HMGCL: variants seen among roughly 807,000 people sequenced by gnomAD.
HMGCL encodes hydroxymethylglutaryl-CoA lyase, mitochondrial.
A neutral mutation model predicts 37.3 loss-of-function variants in HMGCL; 26 were observed. The ratio of observed to expected loss-of-function variants is 0.70; its 90% CI spans 0.51 to 0.97. The LOEUF (loss-of-function observed/expected upper bound fraction) is 0.97. HMGCL is among the 50% of genes least tolerant of loss of function. HMGCL has a pLI of 0.00. For synonymous variants in HMGCL, 151 were observed against 148.0 expected, an observed-to-expected ratio of 1.02 and a Z score of -0.15; for missense variants, 379 against 398.1, an observed-to-expected ratio of 0.95 and a Z score of 0.41.
At chr1:23,820,184 T>C (rs1444545626) in intron 2 of HMGCL, among the ~76,000 whole-genome samples, 1 of 152,138 alleles carries the variant, frequency 6.6e-6, no homozygotes, top group African/African-American at 2.4e-5. Flanking sequence ...TCAGTTTATA[T>C]ATATACATAT....
chr1:23,815,317 C>T (rs978432953), intron 4 of HMGCL, among the ~76,000 whole-genome samples: 1 of 151,926 alleles, frequency 6.6e-6, no homozygotes, highest in Non-Finnish European at 1.5e-5. Flanking sequence ...CCAGGCAATG[C>T]CAAGGACTGC....
chr1:23,807,972 C>T lies in HMGCL; in HGVS notation c.750+163G>A, dbSNP rs719399. On this transcript the variant is annotated intron_variant, in intron 7 of 8. Transcript: ENST00000374490. ...CCTTGACTGTCTCCCCAACACAGAG[C>T]TGTACACTTCACATCTGGGCAGGGT... Among the ~76,000 whole-genome samples, 140,471 of 152,192 alleles carry T rather than the reference C, an allele frequency of 0.92. 64,939 individuals are homozygous for T. Among genetic ancestry groups the T allele is most frequent in the African/African-American group, 0.97 (40,112 of 41,516 alleles).
chr1:23,810,828 C>G, intron 5 of HMGCL, 29 bp from the exon 6 acceptor site: 2 of 1,600,980 alleles, frequency 1.2e-6, no homozygotes, highest in South Asian at 2.2e-5. Flanking sequence ...GGAATGAGGT[C>G]AGTGTCCTGA....
chr1:23,804,031 C>A (rs748920879), intron 8 of HMGCL: 4 of 259,714 alleles, frequency 1.5e-5, no homozygotes, highest in African/African-American at 2.2e-5. Flanking sequence ...TATGCCCATG[C>A]GTGTGGCCTC....
Position 23,806,295 on chromosome 1 carries a change from C to T in HMGCL, c.751-1770G>A, listed in dbSNP as rs974698. ...GAACATTTCAGATCATCTCCCTCCCCGCCCCTGCTCAAGACTCTCTGTTAG... is the reference window on the plus strand; with the variant it reads ...GAACATTTCAGATCATCTCCCTCCCTGCCCCTGCTCAAGACTCTCTGTTAG... On this transcript the variant is annotated intron_variant, in intron 7 of 8. Transcript: ENST00000374490. This position sits in a 1 kb window ranked among gnomAD's most constrained non-coding sequence, Gnocchi z 4.0. Among the ~76,000 whole-genome samples the T allele has an allele frequency of 0.55, 82,853 of 151,898 alleles. 22,716 individuals carry two copies. The highest frequency in any genetic ancestry group is 0.71 in the South Asian group (3,420 of 4,796).
At chr1:23,820,299 G>A (rs1035272315) in intron 2 of HMGCL, among the ~76,000 whole-genome samples, 5 of 152,288 alleles carry the variant, frequency 3.3e-5, no homozygotes, top group East Asian at 1.9e-4. Context: ...AGGGATGACA[G>A]GCATGAGCCA....
intron 3 of HMGCL, among the ~76,000 whole-genome samples, chr1:23,816,981 C>T (rs1213136255): frequency 6.6e-6 from 1 of 152,178 alleles, no homozygotes; most frequent in African/African-American, 2.4e-5. Flanking sequence ...CCAATTTCTC[C>T]ATATGGCCCA....
intron 4 of HMGCL, among the ~76,000 whole-genome samples, chr1:23,814,946 G>A (rs994632594): frequency 1.3e-5 from 2 of 151,962 alleles, no homozygotes; most frequent in Non-Finnish European, 2.9e-5. Context: ...AGTGGCTCAC[G>A]CTTGTAATCA....
At chr1:23,822,739 C>T (rs1638743232) in intron 1 of HMGCL, among the ~76,000 whole-genome samples, 2 of 152,204 alleles carry the variant, frequency 1.3e-5, no homozygotes, top group African/African-American at 4.8e-5. Flanking sequence ...TCAGCCTCTG[C>T]TAGTATATCA....
rs1638701418 is a variant in HMGCL, at chr1:23,820,603, A to G, written c.61-10T>C. The G allele has an allele frequency of 6.2e-7, 1 of 1,605,174 alleles. No individual in the cohort carries two copies. Among genetic ancestry groups the G allele is most frequent in the African/African-American group, 1.3e-5 (1 of 74,742 alleles). On this transcript the variant is annotated splice_polypyrimidine_tract_variant and intron_variant, in intron 1 of 8. Transcript: ENST00000374490. ...TAGATGAGGTGCTGACCTTTGGTTT[A>G]AAAGAGGAAACAAAAAGTATGAGGA...
intron 7 of HMGCL, among the ~76,000 whole-genome samples, chr1:23,807,932 A>C (rs956294566): frequency 3.3e-5 from 5 of 152,036 alleles, no homozygotes; most frequent in African/African-American, 1.2e-4. Context: ...ATGCAGTGGG[A>C]TTGCCATGTA....
At chr1:23,816,815 C>A in intron 3 of HMGCL, 45 bp from the exon 4 acceptor site, 1 of 1,146,364 alleles carries the variant, frequency 8.7e-7, no homozygotes, top group Non-Finnish European at 1.3e-6. Flanking sequence ...CAAGAGCAGA[C>A]AGAGAGTTCA....
Position 23,804,503 on chromosome 1 carries a change from G to A in HMGCL, c.773C>T (p.Ser258Phe). ...ALQMGVSVVD[S>F]SVAGLGGCPY... ...ACAGCCTCCAAGTCCTGCCACAGAA[G>A]AGTCCACGACACTCACTCCCATCTA... The change falls in exon 8 of 9, where the codon TCT (serine) becomes TTT (phenylalanine). Residue 258 changes from serine to phenylalanine, a missense_variant. Ser to Phe is a radical substitution (Grantham distance 155). Coordinates refer to ENST00000374490, the MANE Select transcript of HMGCL (RefSeq NM_000191.3). 6.2e-7 allele frequency: 1 copy of A among 1,614,154 alleles called. No homozygotes were observed.
intron 5 of HMGCL, among the ~76,000 whole-genome samples, chr1:23,811,413 T>G (rs1021662388): frequency 2.0e-5 from 3 of 152,138 alleles, no homozygotes; most frequent in Non-Finnish European, 4.4e-5. Flanking sequence ...GTTAGGGAGA[T>G]GGCCAATAAA....
chr1:23,816,326 C>T (rs750781422), intron 4 of HMGCL: 39 of 349,172 alleles, frequency 1.1e-4, no homozygotes, highest in African/African-American at 7.6e-4. Flanking sequence ...TGTTGAAACT[C>T]TTGTGGAGAG....
At chr1:23,803,189 C>A (rs950975446) in intron 8 of HMGCL, among the ~76,000 whole-genome samples, 10 of 152,036 alleles carry the variant, frequency 6.6e-5, no homozygotes, top group Non-Finnish European at 1.2e-4. Context: ...TGTGTGCCAC[C>A]ACACCCAGCT....
intron 2 of HMGCL, 54 bp from the exon 3 acceptor site, chr1:23,817,637 A>C (rs186406939): frequency 3.8e-6 from 4 of 1,048,398 alleles, no homozygotes; most frequent in African/African-American, 3.1e-5. Flanking sequence ...AAACAGCCTC[A>C]AAATGCAGTA....
chr1:23,803,008 T>C (rs1224891501), intron 8 of HMGCL, among the ~76,000 whole-genome samples: 1 of 152,174 alleles, frequency 6.6e-6, no homozygotes. Flanking sequence ...TGTGCTCAGC[T>C]CTGTGATAAG....
intron 7 of HMGCL, among the ~76,000 whole-genome samples, chr1:23,804,876 A>AC (rs138996016): frequency 0.033 from 2,017 of 61,258 alleles, 28 homozygotes; most frequent in African/African-American, 0.077. Context: ...TTCATTTATT[A>AC]CCCCCCCCCC....
Sources: allele counts gnomAD v4.1 joint callset (sites outside exome capture counted in the v4.1 genomes callset), GRCh38; gene constraint gnomAD v4.1.1; non-coding constraint Gnocchi (gnomAD v3.1); transcripts MANE v1.5; gene names NCBI Gene and HGNC (gene_info 2026-07-23, HGNC 2026-07-21).